The following MYH9 variants were observed in gnomAD, a reference collection of about 807,000 sequenced individuals.
MYH9 encodes myosin heavy chain 9, also known as myosin-9.
Under a neutral mutation model 241.9 loss-of-function variants are expected in MYH9, and 29 were observed. The observed-to-expected ratio is 0.12, with a 90% confidence interval of 0.09 to 0.16. The LOEUF is 0.16. Ranked by LOEUF, MYH9 falls within the 10% of genes least tolerant of loss-of-function variation. MYH9 has a pLI of 1.00. For missense variants in MYH9, 1,803 were observed against 2,595.5 expected (o/e 0.69, Z 6.63); for synonymous variants, 1,047 against 1,062.6 (o/e 0.99, Z 0.29).
intron 24 of MYH9, among the ~76,000 whole-genome samples, chr22:36,297,880 G>A (rs144603068): frequency 6.6e-6 from 1 of 152,168 alleles, no homozygotes; most frequent in Admixed American, 6.5e-5. Flanking sequence ...CTCTAACGCC[G>A]TCTACCAGTT....
intron 2 of MYH9, among the ~76,000 whole-genome samples, chr22:36,347,091 C>A (rs1401148076): frequency 6.6e-6 from 1 of 152,144 alleles, no homozygotes; most frequent in Non-Finnish European, 1.5e-5. Context: ...TTGAGTTGAA[C>A]AGAGGAATTT....
At chr22:36,331,805 G>A (rs972289644) in intron 3 of MYH9, among the ~76,000 whole-genome samples, 1 of 152,182 alleles carries the variant, frequency 6.6e-6, no homozygotes, top group African/African-American at 2.4e-5. Context: ...CCCCATCTTC[G>A]GCTCCACTGG....
intron 1 of MYH9, among the ~76,000 whole-genome samples, chr22:36,385,827 A>G (rs1164149076): frequency 6.6e-6 from 1 of 152,186 alleles, no homozygotes; most frequent in East Asian, 1.9e-4. Context: ...CAATCTCTCC[A>G]TGTTTTTAAT....
rs868815787 is a variant in MYH9, at chr22:36,344,217, G to A, written c.334-2691C>T. On this transcript the variant is annotated intron_variant, in intron 2 of 40. Coordinates refer to ENST00000216181, the MANE Select transcript of MYH9 (RefSeq NM_002473.6). ...GGCAAGACATCGAGCAAGCGGCTTC[G>A]CGCCCACGCGGCGCGGCCACGACAC... Among the ~76,000 whole-genome samples, 23 of 152,368 alleles carry A rather than the reference G, an allele frequency of 1.5e-4. No individual in the cohort carries two copies. The Middle Eastern group carries it at 0.01, about 68-fold the overall frequency.
chr22:36,319,873 G>A, intron 9 of MYH9: 1 of 627,968 alleles, frequency 1.6e-6, no homozygotes, highest in African/African-American at 1.8e-5. Flanking sequence ...TTCATGCTGG[G>A]CTTCACCAGC....
Position 36,295,015 on chromosome 22 carries a change from G to A in MYH9, c.3547C>T (p.His1183Tyr). 1 of 1,614,182 alleles carries A rather than the reference G, an allele frequency of 6.2e-7. No homozygotes were observed. Among genetic ancestry groups the A allele is most frequent in the Non-Finnish European group, 8.5e-7 (1 of 1,180,034 alleles). Residue 1183 changes from histidine to tyrosine, a missense_variant, in exon 27 of 41, where the codon CAC (histidine) becomes TAC (tyrosine). By Grantham distance (83) the His-to-Tyr change is moderately conservative. Coordinates refer to ENST00000216181, the MANE Select transcript of MYH9 (RefSeq NM_002473.6). This position sits in a 1 kb window ranked among gnomAD's most constrained non-coding sequence, Gnocchi z 4.1. The part of the protein sequence containing the change: ...KKTLEEEAKT[H>Y]EAQIQEMRQK... ...CTCATCTCCTGGATCTGGGCCTCGTGGGTCTTGGCCTCCTCCTCCAGGGTC... is the reference window on the plus strand; with the variant it reads ...CTCATCTCCTGGATCTGGGCCTCGTAGGTCTTGGCCTCCTCCTCCAGGGTC...
At chr22:36,385,099 G>C (rs887237092) in intron 1 of MYH9, among the ~76,000 whole-genome samples, 1 of 151,938 alleles carries the variant, frequency 6.6e-6, no homozygotes, top group Non-Finnish European at 1.5e-5. Context: ...ACGACACACA[G>C]ATTTTGTTAT....
In MYH9 at chr22:36,295,435, G is replaced by A. The variant is rs2016773041; in HGVS notation, c.3485+70C>T. ...GTGTGTGTGTGTGCAGAGGCCCGGG[G>A]TCCATGTCTCCAAGCCAAGGCCCCC... On this transcript the variant is annotated intron_variant, in intron 26 of 40. Transcript: ENST00000216181. The surrounding 1 kb of genome is among the most constrained non-coding windows in gnomAD (Gnocchi z 4.1). 7.8e-7 allele frequency: 1 copy of A among 1,287,498 alleles called. No homozygotes were observed. The highest frequency in any genetic ancestry group is 1.1e-6 in the Non-Finnish European group (1 of 902,618). 79.8% of individuals were successfully genotyped at this position (1,287,498 alleles called of 1,614,324 possible).
chr22:36,346,461 G>C (rs147420644), intron 2 of MYH9, among the ~76,000 whole-genome samples: 1 of 152,140 alleles, frequency 6.6e-6, no homozygotes, highest in South Asian at 2.1e-4. Flanking sequence ...AAAATTAAAC[G>C]GCTGACCCTT....
Position 36,285,064 on chromosome 22 carries a change from G to A in MYH9, c.5483+57C>T, listed in dbSNP as rs986274815. 91 of 1,545,144 alleles carry A rather than the reference G, an allele frequency of 5.9e-5. No individual in the cohort carries two copies. Among genetic ancestry groups the A allele is most frequent in the Admixed American group, 1.7e-5 (1 of 57,904 alleles). ...TGGCCCAGATTTGGGCAGGACTGCA[G>A]GGGGGCCAGAGTTTTTTCCAGGACA... On this transcript the variant is annotated intron_variant, in intron 38 of 40. Coordinates refer to ENST00000216181, the MANE Select transcript of MYH9 (RefSeq NM_002473.6). The surrounding 1 kb of genome is among the most constrained non-coding windows in gnomAD (Gnocchi z 7.0).
chr22:36,314,987 T>C (rs5756144), intron 12 of MYH9, among the ~76,000 whole-genome samples: 81,160 of 151,922 alleles, frequency 0.53, 24,074 homozygotes, highest in Non-Finnish European at 0.68. Context: ...CCTTGCTTTG[T>C]TGCCCAGGCT....
At chr22:36,284,296 C>T (rs562487054) in intron 39 of MYH9, 31 bp from the exon 40 acceptor site, 63 of 1,605,272 alleles carry the variant, frequency 3.9e-5, no homozygotes, top group East Asian at 3.8e-4. Context: ...CCCGTGGCCC[C>T]GGTTAGGGGC....
intron 3 of MYH9, 145 bp from the exon 4 acceptor site, chr22:36,327,633 C>G: frequency 1.0e-6 from 1 of 972,338 alleles, no homozygotes; most frequent in Non-Finnish European, 1.6e-6. Flanking sequence ...ACCCTCACAC[C>G]TGGCTAGGAG....
chr22:36,306,168 G>A lies in MYH9; in HGVS notation c.2038-117C>T. On this transcript the variant is annotated intron_variant, in intron 16 of 40. Coordinates refer to ENST00000216181, the MANE Select transcript of MYH9 (RefSeq NM_002473.6). This position sits in a 1 kb window ranked among gnomAD's most constrained non-coding sequence, Gnocchi z 4.1. ...GAGCCTAAGGGAGGGGGTCGCTACA[G>A]CCCACAGGTTTGGACAATGAAGTCA... 1 of 1,529,128 alleles carries A rather than the reference G, an allele frequency of 6.5e-7. No individual in the cohort carries two copies. Among genetic ancestry groups the A allele is most frequent in the South Asian group, 1.1e-5 (1 of 88,394 alleles). The allele number at this position is 1,529,128 out of a possible 1,614,324, so 94.7% of individuals were successfully genotyped here. A position where few individuals can be genotyped will look rare whatever the true frequency, so the allele number is the denominator to read the frequency against.
intron 2 of MYH9, 57 bp downstream of exon 2, chr22:36,348,847 C>T (rs1388998218): frequency 4.3e-6 from 4 of 924,624 alleles, no homozygotes; most frequent in East Asian, 6.4e-5. Flanking sequence ...ACCCGCCCCC[C>T]CCCCCCACCT....
chr22:36,292,619 C>T (rs1294533476), intron 30 of MYH9, among the ~76,000 whole-genome samples: 1 of 152,220 alleles, frequency 6.6e-6, no homozygotes, highest in Non-Finnish European at 1.5e-5. Context: ...AACCCACAAT[C>T]AGGCACGCTC....
In MYH9 at chr22:36,284,384, GC is replaced by G; in HGVS notation, c.5592+18del. The G allele has an allele frequency of 6.2e-7, 1 of 1,610,542 alleles. No individual in the cohort carries two copies. Among genetic ancestry groups the G allele is most frequent in the South Asian group, 1.1e-5 (1 of 91,068 alleles). ...GCCCAGCCCCGCTGCCCTTCTCACT[GC>G]CCCACCAGCGCCCACACCTGGTCCT... On this transcript the variant is annotated intron_variant, in intron 39 of 40. Coordinates refer to ENST00000216181, the MANE Select transcript of MYH9 (RefSeq NM_002473.6).
At chr22:36,368,520 C>G (rs1352845756) in intron 1 of MYH9, among the ~76,000 whole-genome samples, 4 of 152,164 alleles carry the variant, frequency 2.6e-5, no homozygotes, top group Non-Finnish European at 5.9e-5. Flanking sequence ...GCAGTTGCTC[C>G]GTGATCAGGA....
chr22:36,305,875 A>G lies in MYH9; in HGVS notation c.2159+55T>C. 1 of 1,610,076 alleles carries G rather than the reference A, an allele frequency of 6.2e-7. No homozygotes were observed. Among genetic ancestry groups the G allele is most frequent in the East Asian group, 2.2e-5 (1 of 44,792 alleles). On this transcript the variant is annotated intron_variant, in intron 17 of 40. Transcript: ENST00000216181. The surrounding 1 kb of genome is among the most constrained non-coding windows in gnomAD (Gnocchi z 4.7). Reference sequence around the variant, plus strand: ...CAGGGAGCAGCAGCCCACCTCTGGGACTCACTGCACGCACAGCAGGGCCCA... The same window carrying G: ...CAGGGAGCAGCAGCCCACCTCTGGGGCTCACTGCACGCACAGCAGGGCCCA...
Sources: gnomAD v4.1 joint callset for allele counts (sites outside exome capture counted in the v4.1 genomes callset) on GRCh38, gnomAD v4.1.1 for gene constraint, Gnocchi (gnomAD v3.1) non-coding constraint, MANE v1.5 for transcripts, NCBI Gene and HGNC (gene_info 2026-07-23, HGNC 2026-07-21) for gene names.